CPQ: variants seen among roughly 807,000 people sequenced by gnomAD.
CPQ encodes the protein carboxypeptidase Q, also known as Ser-Met dipeptidase.
Under a neutral mutation model 45.7 loss-of-function variants are expected in CPQ, and 37 were observed. That is an observed-to-expected ratio of 0.81 (90% CI 0.62 to 1.07). CPQ has a LOEUF of 1.07. Ranked by LOEUF, CPQ falls within the 50% of genes least tolerant of loss-of-function variation. CPQ has a pLI of 0.00. For missense variants in CPQ, 537 were observed against 572.9 expected (o/e 0.94, Z 0.64); for synonymous variants, 186 against 205.8 (o/e 0.90, Z 0.82).
chr8:96,875,187 A>T (rs1002046966), intron 3 of CPQ, among the ~76,000 whole-genome samples: 6 of 151,886 alleles, frequency 4.0e-5, no homozygotes, highest in African/African-American at 1.4e-4. Context: ...TTTTAAAATT[A>T]TTGAATTGTT....
intron 6 of CPQ, among the ~76,000 whole-genome samples, chr8:97,053,577 T>A (rs917823734): frequency 3.9e-5 from 6 of 152,104 alleles, no homozygotes; most frequent in African/African-American, 1.4e-4. Context: ...AGGAAGCCAA[T>A]GTGCTTGAAA....
intron 1 of CPQ, among the ~76,000 whole-genome samples, chr8:96,744,012 A>C (rs1318403978): frequency 3.3e-5 from 5 of 152,200 alleles, no homozygotes; most frequent in Non-Finnish European, 5.9e-5. Flanking sequence ...ACCCAGTTCG[A>C]GCTTCCTGGC....
At chr8:96,869,720 C>T (rs951287693) in intron 3 of CPQ, among the ~76,000 whole-genome samples, 3 of 152,054 alleles carry the variant, frequency 2.0e-5, no homozygotes, top group African/African-American at 7.2e-5. Flanking sequence ...AATGAAAGTT[C>T]TCTGGCCTCA....
At chr8:96,749,500 C>T (rs934414496) in intron 1 of CPQ, among the ~76,000 whole-genome samples, 4 of 152,180 alleles carry the variant, frequency 2.6e-5, no homozygotes, top group Non-Finnish European at 4.4e-5. Context: ...CACAATCTTT[C>T]ATCGTGCTCT....
intron 4 of CPQ, among the ~76,000 whole-genome samples, chr8:96,899,275 C>T (rs1812484073): frequency 6.6e-6 from 1 of 152,172 alleles, no homozygotes; most frequent in Admixed American, 6.5e-5. Flanking sequence ...CAGCCACATA[C>T]ATTGTTAAAA....
intron 1 of CPQ, among the ~76,000 whole-genome samples, chr8:96,660,636 G>GGTGTGTGTGTGTGTGTGT (rs71267273): frequency 6.7e-6 from 1 of 149,050 alleles, no homozygotes; most frequent in South Asian, 2.2e-4. Flanking sequence ...GAATACATTT[G>GGTGTGTGTGTGTGTGTGT]GTGTGTGTGT....
intron 7 of CPQ, among the ~76,000 whole-genome samples, chr8:97,140,232 C>A (rs1216549750): frequency 6.6e-5 from 10 of 151,770 alleles, no homozygotes; most frequent in African/African-American, 2.2e-4. Context: ...AGCCAATAAC[C>A]ATGAAAGAAA....
chr8:96,738,077 A>G (rs1284355852), intron 1 of CPQ, among the ~76,000 whole-genome samples: 2 of 152,102 alleles, frequency 1.3e-5, no homozygotes, highest in Admixed American at 6.6e-5. Context: ...TTTTTGTCAG[A>G]TATTGCAATG....
intron 6 of CPQ, among the ~76,000 whole-genome samples, chr8:97,051,083 A>G (rs1471704773): frequency 1.3e-5 from 2 of 152,092 alleles, no homozygotes; most frequent in Non-Finnish European, 2.9e-5. Context: ...GTCCAGGGCA[A>G]ATTAATTCCA....
rs184510812 is a variant in CPQ at position 97,085,960 on chromosome 8, G to A, written c.1255+19750G>A. Among the ~76,000 whole-genome samples, 17 of 152,244 alleles carry A rather than the reference G, an allele frequency of 1.1e-4. 1 individual carries two copies. Among genetic ancestry groups the A allele is most frequent in the Admixed American group, 8.5e-4 (13 of 15,286 alleles). On this transcript the variant is annotated intron_variant, in intron 7 of 7. Coordinates refer to ENST00000220763, the MANE Select transcript of CPQ (RefSeq NM_016134.4). ...TGTTTATTGAAAAGTAGCATATTTG[G>A]AGGCTTTGACAATTCTACAGAAGAG... is the stretch of plus-strand genomic sequence containing the variant.
At chr8:97,050,261 T>G (rs535485358) in intron 6 of CPQ, among the ~76,000 whole-genome samples, 2 of 152,310 alleles carry the variant, frequency 1.3e-5, no homozygotes, top group African/African-American at 2.4e-5. Context: ...GGACTGTAAT[T>G]TAAAATTTAA....
intron 2 of CPQ, among the ~76,000 whole-genome samples, chr8:96,808,553 G>T (rs1490746017): frequency 6.6e-6 from 1 of 152,154 alleles, no homozygotes; most frequent in Non-Finnish European, 1.5e-5. Context: ...AGTTGAATTT[G>T]GGAACACCAG....
In CPQ at chr8:96,785,016, T is replaced by G; in HGVS notation, c.119T>G (p.Ile40Arg). 6.2e-7 allele frequency: 1 copy of G among 1,613,708 alleles called. No homozygotes were observed. The highest frequency in any genetic ancestry group is 8.5e-7 in the Non-Finnish European group (1 of 1,179,772). ...KRTFEEIKEE[I>R]ASCGDVAKAI... is the part of the protein sequence containing the mutation. ...ACTTTTGAAGAAATAAAAGAAGAAA[T>G]AGCCAGCTGTGGAGATGTTGCTAAA... Residue 40 changes from isoleucine to arginine, a missense_variant, in exon 2 of 8, where the codon ATA (isoleucine) becomes AGA (arginine). Transcript: ENST00000220763.
At position 96,741,430 on chromosome 8, in the gene CPQ, C is replaced by T. The variant is rs200001283; in HGVS notation, c.-34-43434C>T. Reference sequence around the variant, plus strand: ...TTGATCCTTTCAAAAAACTAGCTCCCGGATTCGTTAATTTTTTGAAGGGTT... The same window carrying T: ...TTGATCCTTTCAAAAAACTAGCTCCTGGATTCGTTAATTTTTTGAAGGGTT... On this transcript the variant is annotated intron_variant, in intron 1 of 7. Coordinates refer to ENST00000220763, the MANE Select transcript of CPQ (RefSeq NM_016134.4). Among the ~76,000 whole-genome samples, 235 of 151,672 alleles carry T rather than the reference C, an allele frequency of 1.5e-3. 4 individuals carry two copies. Among genetic ancestry groups the T allele is most frequent in the Admixed American group, 0.012 (176 of 15,220 alleles).
Position 96,832,825 on chromosome 8 carries a change from T to A in CPQ, c.434-2148T>A, listed in dbSNP as rs557950960. 2.9e-4 allele frequency among the ~76,000 whole-genome samples: 44 copies of A among 151,886 alleles called. No individual in the cohort carries two copies. In the South Asian group the frequency reaches 9.1e-3, roughly 32 times the overall value. On this transcript the variant is annotated intron_variant, in intron 2 of 7. Coordinates refer to ENST00000220763, the MANE Select transcript of CPQ (RefSeq NM_016134.4). ...TGAAATGATGGGTTTTCGGCAGAAGTGGAAATGGGGAAGAGGGGTTGGGGA... is the reference window on the plus strand; with the variant it reads ...TGAAATGATGGGTTTTCGGCAGAAGAGGAAATGGGGAAGAGGGGTTGGGGA...
intron 1 of CPQ, among the ~76,000 whole-genome samples, chr8:96,745,175 G>T (rs944629945): frequency 6.6e-6 from 1 of 152,156 alleles, no homozygotes; most frequent in South Asian, 2.1e-4. Flanking sequence ...GGGCATGGTG[G>T]CTCATGCCTG....
At chr8:96,832,199 G>A (rs1472348172) in intron 2 of CPQ, among the ~76,000 whole-genome samples, 1 of 152,132 alleles carries the variant, frequency 6.6e-6, no homozygotes, top group Non-Finnish European at 1.5e-5. Flanking sequence ...GAGATCAGAA[G>A]AGCTTTCTTG....
intron 4 of CPQ, among the ~76,000 whole-genome samples, chr8:96,951,527 G>GT (rs1056159569): frequency 6.6e-6 from 1 of 152,058 alleles, no homozygotes; most frequent in Non-Finnish European, 1.5e-5. Flanking sequence ...TAACTCCAGA[G>GT]TTTTTTAGAG....
chr8:97,033,511 C>T (rs930990732), intron 6 of CPQ, among the ~76,000 whole-genome samples: 2 of 152,024 alleles, frequency 1.3e-5, no homozygotes, highest in African/African-American at 2.4e-5. Context: ...ATCTCTTTCT[C>T]GTTTGTATGA....
Sources: gnomAD v4.1 joint callset for allele counts (sites outside exome capture counted in the v4.1 genomes callset) on GRCh38, gnomAD v4.1.1 for gene constraint, MANE v1.5 for transcripts, NCBI Gene and HGNC (gene_info 2026-07-23, HGNC 2026-07-21) for gene names.